The following GIGYF2 variants were observed in gnomAD, a reference collection of about 807,000 sequenced individuals.
The protein encoded by GIGYF2 is GRB10 interacting GYF protein 2.
In GIGYF2, 25 loss-of-function variants were observed where a neutral mutation model predicts 208.1. The ratio of observed to expected loss-of-function variants is 0.12; its 90% CI spans 0.09 to 0.17. The LOEUF (loss-of-function observed/expected upper bound fraction) is 0.17, where lower values mean the gene tolerates loss of function less well. Ranked by LOEUF, GIGYF2 falls within the 10% of genes least tolerant of loss-of-function variation. The pLI is 1.00. For missense variants in GIGYF2, 1,302 were observed against 1,579.4 expected (o/e 0.82, Z 2.98); for synonymous variants, 534 against 543.8 (o/e 0.98, Z 0.25).
Position 232,857,797 on chromosome 2 carries a change from AT to A in GIGYF2, c.*938del, listed in dbSNP as rs1257657359. The A allele has an allele frequency of 1.3e-5, 2 of 152,602 alleles. No individual in the cohort carries two copies. The allele number at this position is 152,602 out of a possible 1,614,324, so 9.5% of individuals were successfully genotyped here. A position where few individuals can be genotyped will look rare whatever the true frequency, so the allele number is the denominator to read the frequency against. ...TGTATAATTTCATTTTTGGATAGGGATAAACTTTTGCTTCTGATAAAAGCCT... is the reference window on the plus strand; with the variant it reads ...TGTATAATTTCATTTTTGGATAGGGAAAACTTTTGCTTCTGATAAAAGCCT... On this transcript the variant is annotated 3_prime_UTR_variant, in exon 29 of 29. Coordinates refer to ENST00000373563, the MANE Select transcript of GIGYF2 (RefSeq NM_001103146.3).
At chr2:232,785,539 C>T (rs1699883147) in intron 8 of GIGYF2, among the ~76,000 whole-genome samples, 1 of 152,190 alleles carries the variant, frequency 6.6e-6, no homozygotes, top group African/African-American at 2.4e-5. Context: ...CTACAGTCTT[C>T]TTTAATATTT....
At chr2:232,757,393 T>C (rs190648205) in intron 6 of GIGYF2, among the ~76,000 whole-genome samples, 273 of 150,694 alleles carry the variant, frequency 1.8e-3, no homozygotes, top group Non-Finnish European at 2.9e-3. Context: ...GTTAGACTAA[T>C]CTGTAAAACT....
chr2:232,763,942 A>T (rs1052384093), intron 8 of GIGYF2, among the ~76,000 whole-genome samples: 1 of 152,248 alleles, frequency 6.6e-6, no homozygotes, highest in Non-Finnish European at 1.5e-5. Flanking sequence ...AACTGTGGAT[A>T]AGGCGGGATT....
At chr2:232,819,616 T>A (rs1701016773) in intron 20 of GIGYF2, among the ~76,000 whole-genome samples, 2 of 152,338 alleles carry the variant, frequency 1.3e-5, no homozygotes, top group South Asian at 4.1e-4. Context: ...TAACTGCTAA[T>A]ATTTTAAATT....
intron 14 of GIGYF2, among the ~76,000 whole-genome samples, chr2:232,799,367 G>C (rs1559441131): frequency 1.3e-5 from 2 of 151,138 alleles, no homozygotes; most frequent in Non-Finnish European, 2.9e-5. Flanking sequence ...AACATGGAGA[G>C]ACCTTGTCTC....
chr2:232,776,381 CCAGT>C (rs1327916502), intron 8 of GIGYF2: 17 of 1,267,216 alleles, frequency 1.3e-5, no homozygotes, highest in Non-Finnish European at 1.9e-5. Context: ...TTGCTATTTG[CCAGT>C]CAGTTTCTTT....
chr2:232,838,984 A>G (rs1701734186), intron 22 of GIGYF2, among the ~76,000 whole-genome samples: 1 of 152,194 alleles, frequency 6.6e-6, no homozygotes, highest in Non-Finnish European at 1.5e-5. Flanking sequence ...TTATCCTATC[A>G]ATATCCACTG....
At chr2:232,809,636 G>A in intron 15 of GIGYF2, 84 bp from the exon 16 acceptor site, 1 of 806,982 alleles carries the variant, frequency 1.2e-6, no homozygotes, top group Non-Finnish European at 2.2e-6. Context: ...GATTCATTTT[G>A]ATTTCAGATA....
intron 15 of GIGYF2, among the ~76,000 whole-genome samples, chr2:232,808,231 G>A (rs938525630): frequency 7.9e-5 from 12 of 152,296 alleles, no homozygotes; most frequent in Non-Finnish European, 1.6e-4. Flanking sequence ...GTGTATTGCA[G>A]CATGTAAATT....
chr2:232,844,694 C>T, intron 25 of GIGYF2, 120 bp downstream of exon 25: 2 of 723,056 alleles, frequency 2.8e-6, no homozygotes, highest in Non-Finnish European at 4.9e-6. Context: ...CCGTTTTCAT[C>T]TGTGTTCAAG....
In GIGYF2 at chr2:232,819,902, C is replaced by G; in HGVS notation, c.2446C>G (p.Gln816Glu). ...RQREEEERQQ[Q>E]EEALRRLEER... ...GCGAGAAGAGGAAGAAAGACAGCAG[C>G]AAGAAGAAGCTCTTAGAAGACTGGA... The change falls in exon 21 of 29, where the codon CAA becomes GAA. Residue 816 changes from glutamine (Q) to glutamate (E), a missense_variant. By Grantham distance (29) the Gln-to-Glu change is conservative (BLOSUM62 2). Transcript: ENST00000373563. 1.9e-6 allele frequency: 3 copies of G among 1,587,502 alleles called. No individual in the cohort carries two copies. The highest frequency in any genetic ancestry group is 1.7e-5 in the Admixed American group (1 of 59,248).
At chr2:232,792,994 T>A (rs1032092593) in intron 12 of GIGYF2, among the ~76,000 whole-genome samples, 1 of 152,174 alleles carries the variant, frequency 6.6e-6, no homozygotes, top group Admixed American at 6.5e-5. Flanking sequence ...GGCAGACTCT[T>A]GGGATGCTTC....
chr2:232,721,386 TA>T lies in GIGYF2; in HGVS notation c.-43-13767del, dbSNP rs201136637. 6.4e-3 allele frequency among the ~76,000 whole-genome samples: 968 copies of T among 152,356 alleles called. 13 individuals are homozygous for T. Among genetic ancestry groups the T allele is most frequent in the African/African-American group, 0.021 (887 of 41,596 alleles). On this transcript the variant is annotated intron_variant, in intron 2 of 28. Transcript: ENST00000373563. ...GTGTTAAACCTCTCCCTCGTGTTCATAAGATGTTTTTTGGCTTTCTTGTGGT... is the reference window on the plus strand; with the variant it reads ...GTGTTAAACCTCTCCCTCGTGTTCATAGATGTTTTTTGGCTTTCTTGTGGT...
At chr2:232,809,886 C>A in intron 16 of GIGYF2, 75 bp downstream of exon 16, 2 of 879,316 alleles carry the variant, frequency 2.3e-6, no homozygotes, top group Non-Finnish European at 3.9e-6. Flanking sequence ...TCAAGTCTCA[C>A]CTTTTACAGT....
chr2:232,719,452 T>C (rs2106269726), intron 2 of GIGYF2, among the ~76,000 whole-genome samples: 1 of 152,096 alleles, frequency 6.6e-6, no homozygotes, highest in Admixed American at 6.6e-5. Flanking sequence ...TGTAAGAAAA[T>C]GGTAGGCTAA....
rs1390190155 is a variant in GIGYF2 at position 232,791,305 on chromosome 2, G to C, written c.1141G>C (p.Gly381Arg). Residue 381 changes from glycine to arginine, a missense_variant, in exon 12 of 29, where the codon GGT becomes CGT. Transcript: ENST00000373563. ...GACCTCATCATCATCTGCTAGACCA[G>C]GTACTCCTTCAGACCATCAGTCTCA... The part of the protein sequence containing the change: ...PQTSSSSARP[G>R]TPSDHQSQEA... 2 of 1,614,042 alleles carry C rather than the reference G, an allele frequency of 1.2e-6. No individual in the cohort carries two copies.
chr2:232,832,372 A>T (rs1701447181), intron 21 of GIGYF2, among the ~76,000 whole-genome samples: 1 of 152,174 alleles, frequency 6.6e-6, no homozygotes, highest in Non-Finnish European at 1.5e-5. Flanking sequence ...TTGAGGAGAG[A>T]TGTTCTGAAG....
intron 8 of GIGYF2, among the ~76,000 whole-genome samples, chr2:232,763,264 G>C (rs1029825767): frequency 1.6e-4 from 24 of 151,370 alleles, no homozygotes; most frequent in African/African-American, 5.4e-4. Context: ...TAAGCTCTCA[G>C]ATCTCATTAG....
In GIGYF2 at chr2:232,787,356, A is replaced by G. The variant is rs542362555; in HGVS notation, c.712+27A>G. On this transcript the variant is annotated intron_variant, in intron 9 of 28. Coordinates refer to ENST00000373563, the MANE Select transcript of GIGYF2 (RefSeq NM_001103146.3). ...TAAGAATTCTGTTGAGTAAAGGCAC[A>G]CAGGGACTGAAATAAGGGAAAGTTT... 4 of 1,592,226 alleles carry G rather than the reference A, an allele frequency of 2.5e-6. No individual in the cohort carries two copies. In the Admixed American group the frequency reaches 5.0e-5, roughly 20 times the overall value.
Sources: allele counts gnomAD v4.1 joint callset (sites outside exome capture counted in the v4.1 genomes callset), GRCh38; gene constraint gnomAD v4.1.1; transcripts MANE v1.5; gene names NCBI Gene and HGNC (gene_info 2026-07-23, HGNC 2026-07-21).